The following ZFHX3 variants were observed in gnomAD, a reference collection of about 807,000 sequenced individuals.
The protein encoded by ZFHX3 is zinc finger homeobox protein 3.
In ZFHX3, 42 loss-of-function variants were observed where a neutral mutation model predicts 279.1. The ratio of observed to expected loss-of-function variants is 0.15; its 90% confidence interval spans 0.12 to 0.19. The LOEUF (loss-of-function observed/expected upper bound fraction) is 0.19. ZFHX3 is among the 10% of genes least tolerant of loss of function. The pLI, the probability that ZFHX3 is intolerant of heterozygous loss-of-function variation, is 1.00. For missense variants in ZFHX3, 4,981 were observed against 4,754.0 expected (o/e 1.05, Z -1.40); for synonymous variants, 2,293 against 1,957.8 (o/e 1.17, Z -4.52).
chr16:72,857,167 T>C lies in ZFHX3; in HGVS notation c.3449-27308A>G, dbSNP rs1193439847. Reference sequence around the variant, plus strand: ...TGATACTGACCAATGGCCTCATACATTGCCTAGCACTGGACTATCTTCCTA... The same window carrying C: ...TGATACTGACCAATGGCCTCATACACTGCCTAGCACTGGACTATCTTCCTA... On this transcript the variant is annotated intron_variant, in intron 4 of 9. Coordinates refer to ENST00000268489, the MANE Select transcript of ZFHX3 (RefSeq NM_006885.4). Among the ~76,000 whole-genome samples the C allele has an allele frequency of 1.8e-4, 27 of 152,224 alleles. 1 individual carries two copies. The highest frequency in any genetic ancestry group is 1.8e-3 in the Admixed American group (27 of 15,288).
In ZFHX3 at chr16:73,874,015, G is replaced by C. The variant is rs551420054; in HGVS notation, c.-1608+17636C>G. Among the ~76,000 whole-genome samples, 97 of 152,240 alleles carry C rather than the reference G, an allele frequency of 6.4e-4. 2 individuals carry two copies. The highest frequency in any genetic ancestry group is 1.9e-3 in the South Asian group (9 of 4,824). On this transcript the variant is annotated intron_variant, in intron 1 of 17. Transcript: ENST00000641206. ...AACAAAGGTATTGCTACTGAAAACA[G>C]TCAGCCTTTTCTCTTCAATATCTCA... is the stretch of plus-strand genomic sequence containing the variant.
chr16:73,786,913 C>T (rs538792240), intron 1 of ZFHX3, among the ~76,000 whole-genome samples: 2 of 152,344 alleles, frequency 1.3e-5, no homozygotes, highest in Admixed American at 6.5e-5. Flanking sequence ...CATGTTCCAG[C>T]ACCTCAGACT....
intron 2 of ZFHX3, among the ~76,000 whole-genome samples, chr16:73,654,095 A>G (rs2052698125): frequency 6.6e-6 from 1 of 151,802 alleles, no homozygotes; most frequent in African/African-American, 2.4e-5. Flanking sequence ...GAGGCAGGAG[A>G]ATGGCATGAA....
At chr16:73,529,836 T>A (rs1348990411) in intron 2 of ZFHX3, among the ~76,000 whole-genome samples, 1 of 152,146 alleles carries the variant, frequency 6.6e-6, no homozygotes, top group Non-Finnish European at 1.5e-5. Context: ...CATTAGGGGA[T>A]CATAGGCTGT....
At chr16:73,242,396 G>C (rs1372361128) in intron 5 of ZFHX3, among the ~76,000 whole-genome samples, 2 of 152,176 alleles carry the variant, frequency 1.3e-5, no homozygotes, top group African/African-American at 4.8e-5. Context: ...TGCTCCATGG[G>C]TTAGTGTCTT....
intron 7 of ZFHX3, chr16:73,093,690 A>G (rs1313044802): frequency 9.3e-6 from 3 of 322,084 alleles, no homozygotes; most frequent in East Asian, 7.9e-5. Flanking sequence ...AATACAGGAC[A>G]TTATCTCACC....
chr16:73,275,281 G>A (rs775205389), intron 4 of ZFHX3, among the ~76,000 whole-genome samples: 2 of 152,138 alleles, frequency 1.3e-5, no homozygotes, highest in Non-Finnish European at 2.9e-5. Flanking sequence ...TAGAACAGAG[G>A]GGGTGAGTCA....
chr16:73,228,834 GA>G (rs2012683510), intron 5 of ZFHX3, among the ~76,000 whole-genome samples: 1 of 152,126 alleles, frequency 6.6e-6, no homozygotes. Context: ...ATGGAATCTA[GA>G]AAACTATGGT....
In ZFHX3 at chr16:72,796,073, A is replaced by G. The variant is rs2035889918; in HGVS notation, c.6609T>C (p.Arg2203=). 3 of 1,614,036 alleles carry G rather than the reference A, an allele frequency of 1.9e-6. No homozygotes were observed. Among genetic ancestry groups the G allele is most frequent in the Non-Finnish European group, 2.5e-6 (3 of 1,180,030 alleles). ...FRNTLFKERQ[R]NKDSPYNFSN... is the part of the protein sequence containing the mutation. ...TGAAGTTGTAAGGGGAGTCCTTGTT[A>G]CGCTGCCTCTCTTTGAAGAGAGTGT... The change falls in exon 9 of 10, where the codon CGT becomes CGC. Residue 2203 remains arginine (R), a synonymous_variant. Transcript: ENST00000268489.
At chr16:73,373,852 T>A (rs1268675816) in intron 3 of ZFHX3, among the ~76,000 whole-genome samples, 1 of 152,172 alleles carries the variant, frequency 6.6e-6, no homozygotes, top group African/African-American at 2.4e-5. Flanking sequence ...TTCAGACTAT[T>A]AATGATTGTG....
intron 8 of ZFHX3, among the ~76,000 whole-genome samples, chr16:73,087,080 G>A (rs1006012327): frequency 1.3e-5 from 2 of 151,996 alleles, no homozygotes; most frequent in African/African-American, 2.4e-5. Flanking sequence ...TGTGCCCCCC[G>A]AAATAGGTAC....
chr16:73,832,378 T>C (rs1029963293), intron 1 of ZFHX3, among the ~76,000 whole-genome samples: 1 of 152,124 alleles, frequency 6.6e-6, no homozygotes, highest in African/African-American at 2.4e-5. Flanking sequence ...GTATAAGGAA[T>C]GGTCACCTAG....
chr16:73,656,070 C>G (rs1219200834), intron 2 of ZFHX3, among the ~76,000 whole-genome samples: 1 of 152,208 alleles, frequency 6.6e-6, no homozygotes, highest in East Asian at 1.9e-4. Flanking sequence ...TACTCAGTCA[C>G]TTGAATCAGG....
At chr16:72,806,756 G>C (rs1281496764) in intron 7 of ZFHX3, among the ~76,000 whole-genome samples, 3 of 152,080 alleles carry the variant, frequency 2.0e-5, no homozygotes, top group African/African-American at 4.8e-5. Context: ...ACCGAGAAAA[G>C]TGCAGGCAAC....
intron 1 of ZFHX3, among the ~76,000 whole-genome samples, chr16:73,790,593 G>C (rs991065349): frequency 2.0e-5 from 3 of 152,192 alleles, no homozygotes; most frequent in African/African-American, 7.2e-5. Context: ...CAACTCCAGA[G>C]ATGTTCTAGG....
At chr16:73,816,782 G>C (rs561226704) in intron 1 of ZFHX3, among the ~76,000 whole-genome samples, 1 of 152,164 alleles carries the variant, frequency 6.6e-6, no homozygotes, top group Non-Finnish European at 1.5e-5. Context: ...TTGAAGTAAC[G>C]AAGATGAACT....
intron 3 of ZFHX3, among the ~76,000 whole-genome samples, chr16:72,922,241 C>T (rs1043768744): frequency 1.3e-5 from 2 of 152,192 alleles, no homozygotes; most frequent in African/African-American, 4.8e-5. Flanking sequence ...CCCAATTCCT[C>T]CTTGCAGTTA....
chr16:73,083,689 C>T (rs1044786281), intron 8 of ZFHX3, among the ~76,000 whole-genome samples: 12 of 152,288 alleles, frequency 7.9e-5, no homozygotes, highest in Non-Finnish European at 1.5e-4. Flanking sequence ...ACCATCACAC[C>T]TGGTTAACTG....
intron 3 of ZFHX3, among the ~76,000 whole-genome samples, chr16:72,895,890 T>TAGATAGAA (rs1487545597): frequency 6.6e-6 from 1 of 152,128 alleles, no homozygotes; most frequent in East Asian, 1.9e-4. Context: ...GATAGATAGA[T>TAGATAGAA]AGACGGATAG....
Sources: allele counts gnomAD v4.1 joint callset (sites outside exome capture counted in the v4.1 genomes callset), GRCh38; gene constraint gnomAD v4.1.1; transcripts MANE v1.5; gene names NCBI Gene and HGNC (gene_info 2026-07-23, HGNC 2026-07-21).